The following C12orf42 variants were observed in gnomAD, a reference collection of about 807,000 sequenced individuals.
C12orf42 encodes the protein chromosome 12 open reading frame 42, also known as uncharacterized protein C12orf42.
C12orf42 carries 25 observed loss-of-function variants against 21.6 expected under a neutral mutation model. The observed-to-expected ratio is 1.16, with a 90% CI of 0.84 to 1.62. C12orf42 has a LOEUF of 1.62. Among genes scored for constraint, C12orf42 ranks in the 40% most tolerant of loss-of-function variants. The probability of loss-of-function intolerance (pLI) is 0.00; values close to 1 mark genes in which losing one functional copy is unlikely to be tolerated. For missense variants in C12orf42, 483 were observed against 459.3 expected, an observed-to-expected ratio of 1.05 and a Z score of -0.47; for synonymous variants, 174 against 175.0, an observed-to-expected ratio of 0.99 and a Z score of 0.05.
chr12:103,374,933 C>G (rs1041148148), intron 3 of C12orf42, among the ~76,000 whole-genome samples: 6 of 152,200 alleles, frequency 3.9e-5, no homozygotes, highest in African/African-American at 1.4e-4. Context: ...TCCAAACAAA[C>G]AGTTAAGCCA....
intron 5 of C12orf42, among the ~76,000 whole-genome samples, chr12:103,305,564 C>T (rs578040390): frequency 8.5e-5 from 13 of 152,274 alleles, no homozygotes; most frequent in African/African-American, 3.1e-4. Context: ...CTCCTATATC[C>T]TGTGCTATGA....
intron 2 of C12orf42, among the ~76,000 whole-genome samples, chr12:103,402,402 G>A (rs2048077992): frequency 6.6e-6 from 1 of 152,130 alleles, no homozygotes. Context: ...TCAGACTTCT[G>A]GTTTTCAATT....
intron 2 of C12orf42, among the ~76,000 whole-genome samples, chr12:103,452,557 C>T (rs1184495210): frequency 6.6e-6 from 1 of 152,082 alleles, no homozygotes; most frequent in African/African-American, 2.4e-5. Context: ...AATCATGCTA[C>T]TATAAAGACA....
intron 2 of C12orf42, among the ~76,000 whole-genome samples, chr12:103,420,295 C>A (rs1335569294): frequency 1.3e-5 from 2 of 152,146 alleles, no homozygotes; most frequent in Admixed American, 6.5e-5. Context: ...ACAAAAACAA[C>A]AATAGAAAAA....
At chr12:103,069,195 A>G in the C12orf42 span, among the ~76,000 whole-genome samples, 2 of 150,766 alleles carry the variant, frequency 1.3e-5, no homozygotes, top group South Asian at 4.2e-4. Context: ...TGAATTTTTA[A>G]GTTTTAGAAT....
the C12orf42 span, among the ~76,000 whole-genome samples, chr12:103,522,706 T>C: frequency 1.3e-5 from 2 of 152,226 alleles, no homozygotes; most frequent in Admixed American, 1.3e-4. Flanking sequence ...TGTGTTCCTA[T>C]TGCCCTCAAC....
intron 10 of C12orf42, chr12:103,262,511 G>A (rs1169638967): frequency 2.0e-5 from 3 of 152,086 alleles, no homozygotes; most frequent in Non-Finnish European, 4.4e-5. Flanking sequence ...TTATTTCTGA[G>A]TATTACAATG....
At chr12:103,105,669 T>A in the C12orf42 span, among the ~76,000 whole-genome samples, 1 of 151,892 alleles carries the variant, frequency 6.6e-6, no homozygotes, top group African/African-American at 2.4e-5. Flanking sequence ...AAGTAGAAAA[T>A]GTAAAATAGA....
At chr12:103,513,518 T>G in the C12orf42 span, among the ~76,000 whole-genome samples, 1 of 152,208 alleles carries the variant, frequency 6.6e-6, no homozygotes, top group Admixed American at 6.5e-5. Flanking sequence ...GAAAAAGTCC[T>G]GATTAATACA....
chr12:103,214,487 A>G, the C12orf42 span, among the ~76,000 whole-genome samples: 1 of 152,228 alleles, frequency 6.6e-6, no homozygotes, highest in Non-Finnish European at 1.5e-5. Context: ...GGACCAGCTC[A>G]GTTATCCCCG....
chr12:103,391,954 T>G (rs2047118871), intron 3 of C12orf42, among the ~76,000 whole-genome samples: 1 of 152,204 alleles, frequency 6.6e-6, no homozygotes, highest in African/African-American at 2.4e-5. Flanking sequence ...ATTTTATAGC[T>G]TTAGCTCTTA....
At chr12:103,429,115 C>A (rs977197749) in intron 2 of C12orf42, among the ~76,000 whole-genome samples, 1 of 152,136 alleles carries the variant, frequency 6.6e-6, no homozygotes, top group Non-Finnish European at 1.5e-5. Flanking sequence ...GAAGTTCTGG[C>A]CAAGGCAATC....
chr12:103,469,860 T>A (rs1260954504), intron 2 of C12orf42, among the ~76,000 whole-genome samples: 1 of 152,238 alleles, frequency 6.6e-6, no homozygotes, highest in Middle Eastern at 3.2e-3. Flanking sequence ...TGTGCTAATT[T>A]GACTGGTAAA....
intron 10 of C12orf42, chr12:103,237,982 T>C (rs946286132): frequency 1.3e-5 from 2 of 152,150 alleles, no homozygotes; most frequent in East Asian, 3.9e-4. Context: ...AATGTAGATA[T>C]AGGGAGGCCA....
chr12:103,478,268 A>G (rs1954208536), intron 2 of C12orf42, 81 bp downstream of exon 2: 4 of 845,930 alleles, frequency 4.7e-6, no homozygotes, highest in Non-Finnish European at 7.5e-6. Flanking sequence ...CACTGAATCA[A>G]GAATCACAAT....
At chr12:103,527,643 A>G in the C12orf42 span, among the ~76,000 whole-genome samples, 18 of 152,276 alleles carry the variant, frequency 1.2e-4, no homozygotes, top group Middle Eastern at 3.4e-3. Context: ...ACAAACACAT[A>G]GCTATGCAGA....
At chr12:103,290,927 A>G (rs371729878) in intron 4 of C12orf42, among the ~76,000 whole-genome samples, 1 of 152,138 alleles carries the variant, frequency 6.6e-6, no homozygotes. Context: ...ATTGAGTTCA[A>G]TGTACACTAC....
chr12:103,475,775 C>A (rs1307097521), intron 2 of C12orf42, among the ~76,000 whole-genome samples: 1 of 152,220 alleles, frequency 6.6e-6, no homozygotes, highest in East Asian at 1.9e-4. Flanking sequence ...AAAAGTATAA[C>A]TCTGTATTTC....
In C12orf42 at chr12:103,274,680, C is replaced by T. The variant is rs76136617; in HGVS notation, n.398+2470G>A. On this transcript the variant is annotated intron_variant and non_coding_transcript_variant, in intron 5 of 6. Coordinates refer to the C12orf42 transcript ENST00000546526. ...GTGTGTATGCATGCACATGAACATG[C>T]TCTTGTTTTAAACCTTATTTTCATA... 7.8e-3 allele frequency among the ~76,000 whole-genome samples: 1,194 copies of T among 152,238 alleles called. 9 individuals carry two copies. Among genetic ancestry groups the T allele is most frequent in the African/African-American group, 0.027 (1,130 of 41,544 alleles).
Sources: allele counts gnomAD v4.1 joint callset (sites outside exome capture counted in the v4.1 genomes callset), GRCh38; gene constraint gnomAD v4.1.1; transcripts MANE v1.5; gene names NCBI Gene and HGNC (gene_info 2026-07-23, HGNC 2026-07-21).